AMBRA1: variants seen among roughly 807,000 people sequenced by gnomAD.
The protein encoded by AMBRA1 is activating molecule in BECN1-regulated autophagy protein 1.
A neutral mutation model predicts 125.4 loss-of-function variants in AMBRA1; 47 were observed. That is an observed-to-expected ratio of 0.37 (90% CI 0.30 to 0.48). The LOEUF (loss-of-function observed/expected upper bound fraction) is 0.48, where lower values mean the gene tolerates loss of function less well. Ranked by LOEUF, AMBRA1 falls within the 20% of genes least tolerant of loss-of-function variation. The pLI is 0.99. For synonymous variants in AMBRA1, 626 were observed against 655.5 expected (o/e 0.95, Z 0.69); for missense variants, 1,331 against 1,693.4 (o/e 0.79, Z 3.76).
intron 15 of AMBRA1, among the ~76,000 whole-genome samples, chr11:46,412,614 T>C (rs577404188): frequency 6.6e-6 from 1 of 151,272 alleles, no homozygotes; most frequent in Non-Finnish European, 1.5e-5. Context: ...ATTTTCACTG[T>C]TTTTTTTTCC....
At chr11:46,494,080 G>C (rs956096616) in intron 10 of AMBRA1, 44 bp downstream of exon 10, 16 of 1,532,814 alleles carry the variant, frequency 1.0e-5, no homozygotes, top group South Asian at 2.3e-5. Context: ...TAAATCCTAG[G>C]CTCTAACGAA....
intron 12 of AMBRA1, among the ~76,000 whole-genome samples, chr11:46,441,955 CAA>C (rs869217594): frequency 4.5e-5 from 3 of 66,602 alleles, no homozygotes; most frequent in Non-Finnish European, 3.2e-5. Context: ...TGGCTCAGTG[CAA>C]AAAAAAAAAA....
chr11:46,430,564 G>A (rs773989600), intron 14 of AMBRA1, among the ~76,000 whole-genome samples: 20 of 152,246 alleles, frequency 1.3e-4, no homozygotes. Flanking sequence ...ACTGCTTAGA[G>A]TAAGTGCATC....
rs112959855 is a variant in AMBRA1, at chr11:46,533,116, T to C, written c.2072+8829A>G. Among the ~76,000 whole-genome samples, 1,240 of 151,780 alleles carry C rather than the reference T, an allele frequency of 8.2e-3. 8 individuals carry two copies. Among genetic ancestry groups the C allele is most frequent in the Non-Finnish European group, 0.012 (815 of 67,964 alleles). ...AGGTGGAGGATGCAGTGAGCCAAGA[T>C]TGCACCACTGCACTCCAGCCTGGGC... On this transcript the variant is annotated intron_variant, in intron 7 of 17. Transcript: ENST00000683756.
At position 46,542,971 on chromosome 11, in the gene AMBRA1, A is replaced by T. The variant is rs571458986; in HGVS notation, c.1046T>A (p.Phe349Tyr). Residue 349 changes from phenylalanine (F) to tyrosine (Y), a missense_variant, in exon 7 of 18, where the codon TTC becomes TAC. Phe to Tyr is a conservative substitution (Grantham distance 22). Coordinates refer to ENST00000683756, the MANE Select transcript of AMBRA1 (RefSeq NM_001387011.1). This position sits in a 1 kb window ranked among gnomAD's most constrained non-coding sequence, Gnocchi z 5.9. Reference protein sequence around the residue: ...PSFSFVQTEPFHPPEQASSTQ... With the variant: ...PSFSFVQTEPYHPPEQASSTQ... ...TGACGAGGCCTGCTCCGGGGGATGG[A>T]AGGGCTCGGTCTGTACAAAAGAAAA... 25 of 1,604,318 alleles carry T rather than the reference A, an allele frequency of 1.6e-5. No homozygotes were observed. The Admixed American group carries it at 4.0e-4, about 26-fold the overall frequency.
At chr11:46,429,483 T>A (rs1009538700) in intron 14 of AMBRA1, among the ~76,000 whole-genome samples, 3 of 152,200 alleles carry the variant, frequency 2.0e-5, no homozygotes, top group African/African-American at 7.2e-5. Flanking sequence ...AAAGCACTAA[T>A]CCTTATTCTT....
chr11:46,560,972 T>A (rs2043315701), intron 1 of AMBRA1, among the ~76,000 whole-genome samples: 1 of 152,176 alleles, frequency 6.6e-6, no homozygotes, highest in Admixed American at 6.5e-5. Context: ...CGATTTCAAA[T>A]CATAAAGGAT....
chr11:46,501,743 A>G (rs1033139662), intron 9 of AMBRA1, among the ~76,000 whole-genome samples: 1 of 152,194 alleles, frequency 6.6e-6, no homozygotes, highest in African/African-American at 2.4e-5. Flanking sequence ...AGATGTACAA[A>G]CAGCTCACAT....
At chr11:46,507,105 A>G (rs370219601) in intron 9 of AMBRA1, among the ~76,000 whole-genome samples, 1 of 132,912 alleles carries the variant, frequency 7.5e-6, no homozygotes, top group East Asian at 2.3e-4. Context: ...TGAACCTGGG[A>G]GGCGGAGCTT....
At chr11:46,454,579 C>CAAAAAAA (rs777518872) in intron 11 of AMBRA1, among the ~76,000 whole-genome samples, 1 of 50,496 alleles carries the variant, frequency 2.0e-5, no homozygotes, top group Non-Finnish European at 5.4e-5. Context: ...ACTAAAAATA[C>CAAAAAAA]AAAAAAAAAA....
At chr11:46,539,245 A>G (rs1952625110) in intron 7 of AMBRA1, among the ~76,000 whole-genome samples, 1 of 152,174 alleles carries the variant, frequency 6.6e-6, no homozygotes, top group African/African-American at 2.4e-5. Flanking sequence ...ATTAAAAGAA[A>G]AAAAGTGGTT....
chr11:46,442,379 G>A (rs1015080810), intron 12 of AMBRA1, among the ~76,000 whole-genome samples: 10 of 151,988 alleles, frequency 6.6e-5, no homozygotes, highest in Non-Finnish European at 1.3e-4. Context: ...CTGGGATCAC[G>A]TGATCCTCCC....
intron 7 of AMBRA1, among the ~76,000 whole-genome samples, chr11:46,541,427 A>AT (rs534735244): frequency 2.6e-5 from 4 of 151,586 alleles, no homozygotes; most frequent in African/African-American, 2.4e-5. Flanking sequence ...ACATATATGT[A>AT]TTTTTTTTTC....
intron 9 of AMBRA1, among the ~76,000 whole-genome samples, chr11:46,500,473 C>T (rs867267103): frequency 6.6e-6 from 1 of 152,218 alleles, no homozygotes; most frequent in South Asian, 2.1e-4. Flanking sequence ...TGCATCAGTA[C>T]ACTTGTCACT....
At chr11:46,536,264 C>T (rs1427115209) in intron 7 of AMBRA1, among the ~76,000 whole-genome samples, 1 of 152,152 alleles carries the variant, frequency 6.6e-6, no homozygotes, top group Non-Finnish European at 1.5e-5. Context: ...CAGACATGAT[C>T]ACTGCCTTCA....
intron 11 of AMBRA1, among the ~76,000 whole-genome samples, chr11:46,477,640 G>A (rs913105715): frequency 2.6e-5 from 4 of 151,916 alleles, no homozygotes; most frequent in Admixed American, 6.6e-5. Flanking sequence ...CAGCCTCTTT[G>A]AGGACACGTC....
chr11:46,411,895 G>A (rs948762851), intron 15 of AMBRA1, among the ~76,000 whole-genome samples: 1 of 151,974 alleles, frequency 6.6e-6, no homozygotes, highest in Non-Finnish European at 1.5e-5. Flanking sequence ...CAAAGTGTTG[G>A]GATTACAGGC....
chr11:46,516,559 T>C (rs1230563264), intron 7 of AMBRA1, among the ~76,000 whole-genome samples: 1 of 150,838 alleles, frequency 6.6e-6, no homozygotes, highest in African/African-American at 2.4e-5. Flanking sequence ...GCCTCCCAAG[T>C]AGCTGGGACT....
chr11:46,429,509 AT>A (rs1304705273), intron 14 of AMBRA1, among the ~76,000 whole-genome samples: 5 of 152,162 alleles, frequency 3.3e-5, no homozygotes, highest in Non-Finnish European at 5.9e-5. Context: ...CTAGCTCAAA[AT>A]GCCCTAGCTT....
Sources: allele counts gnomAD v4.1 joint callset (sites outside exome capture counted in the v4.1 genomes callset), GRCh38; gene constraint gnomAD v4.1.1; non-coding constraint Gnocchi (gnomAD v3.1); transcripts MANE v1.5; gene names NCBI Gene and HGNC (gene_info 2026-07-23, HGNC 2026-07-21).